Variants in ERN1 observed in about 807,000 individuals in gnomAD.
ERN1 encodes the protein serine/threonine-protein kinase/endoribonuclease IRE1.
In ERN1, 39 loss-of-function variants were observed where a neutral mutation model predicts 113.1. The observed-to-expected ratio is 0.34, with a 90% CI of 0.27 to 0.45. The LOEUF is 0.45. Ranked by LOEUF, ERN1 falls within the 20% of genes least tolerant of loss-of-function variation. The pLI, the probability that ERN1 is intolerant of heterozygous loss-of-function variation, is 1.00. For missense variants in ERN1, 976 were observed against 1,274.8 expected, an observed-to-expected ratio of 0.77 and a Z score of 3.57; for synonymous variants, 507 against 515.9, an observed-to-expected ratio of 0.98 and a Z score of 0.23.
intron 2 of ERN1, among the ~76,000 whole-genome samples, chr17:64,082,458 G>C (rs1280048128): frequency 1.3e-5 from 2 of 152,186 alleles, no homozygotes; most frequent in Non-Finnish European, 2.9e-5. Context: ...AAGCCAAGAA[G>C]AGCAAGAATA....
chr17:64,068,134 C>T (rs1913292646), intron 7 of ERN1, 56 bp downstream of exon 7: 3 of 1,246,310 alleles, frequency 2.4e-6, no homozygotes, highest in Admixed American at 2.1e-5. Flanking sequence ...GCCACTGTTT[C>T]CACATAGGTC....
intron 4 of ERN1, 68 bp downstream of exon 4, chr17:64,079,594 G>A (rs996207278): frequency 2.3e-6 from 3 of 1,279,828 alleles, no homozygotes; most frequent in African/African-American, 1.5e-5. Context: ...GTAAGACACT[G>A]TGCAGACACA....
chr17:64,067,166 G>A (rs2143377128), intron 7 of ERN1, among the ~76,000 whole-genome samples: 1 of 152,210 alleles, frequency 6.6e-6, no homozygotes, highest in South Asian at 2.1e-4. Flanking sequence ...CTCTCCCAAA[G>A]GCAATTTATT....
Position 64,055,937 on chromosome 17 carries a change from C to T in ERN1, c.1410G>A (p.Gln470=). 2 of 1,543,766 alleles carry T rather than the reference C, an allele frequency of 1.3e-6. No homozygotes were observed. The highest frequency in any genetic ancestry group is 4.0e-5 in the Admixed American group (2 of 50,172). Residue 470 remains glutamine (Q), a synonymous_variant, in exon 13 of 22, where the codon CAG becomes CAA. Coordinates refer to ENST00000433197, the MANE Select transcript of ERN1 (RefSeq NM_001433.5). ...ACTGCTGGTGCTGGAGCTGCTGCTG[C>T]TGATGCATGCTCTGGGAAGAGAAAC... ...FIITYPLSMH[Q]QQQLQHQQFQ...
intron 8 of ERN1, among the ~76,000 whole-genome samples, chr17:64,065,542 G>A (rs942200396): frequency 1.3e-5 from 2 of 152,166 alleles, no homozygotes; most frequent in African/African-American, 4.8e-5. Context: ...CGCAGGGCTG[G>A]ACTAGACGAT....
chr17:64,067,027 G>T, intron 7 of ERN1, 95 bp from the exon 8 acceptor site: 1 of 1,343,742 alleles, frequency 7.4e-7, no homozygotes, highest in Non-Finnish European at 1.0e-6. Context: ...CTCAGTTAGA[G>T]GAAACAAGAC....
chr17:64,051,924 G>A (rs1912697038), intron 17 of ERN1, among the ~76,000 whole-genome samples: 1 of 152,222 alleles, frequency 6.6e-6, no homozygotes, highest in Non-Finnish European at 1.5e-5. Context: ...GTATTCCTTA[G>A]GAGACACGTG....
In ERN1 at chr17:64,105,828, T is replaced by C. The variant is rs977340671; in HGVS notation, c.55-7587A>G. ...TAAAAATACAAAAATTAGCCAGGCATGGTGTAATCCCAGCTACTTGGGAAG... is the reference window on the plus strand; with the variant it reads ...TAAAAATACAAAAATTAGCCAGGCACGGTGTAATCCCAGCTACTTGGGAAG... On this transcript the variant is annotated intron_variant, in intron 1 of 21. Coordinates refer to ENST00000433197, the MANE Select transcript of ERN1 (RefSeq NM_001433.5). Among the ~76,000 whole-genome samples the C allele has an allele frequency of 8.2e-4, 124 of 152,016 alleles. 1 individual carries two copies. Among genetic ancestry groups the C allele is most frequent in the Non-Finnish European group, 2.9e-4 (20 of 67,962 alleles).
At chr17:64,047,828 ACT>A (rs1198127002) in intron 19 of ERN1, 28 bp downstream of exon 19, 1 of 1,531,692 alleles carries the variant, frequency 6.5e-7, no homozygotes, top group Admixed American at 2.1e-5. Context: ...TTAAATGAAG[ACT>A]CTGGATAAAG....
At position 64,044,877 on chromosome 17, in the gene ERN1, G is replaced by T; in HGVS notation, c.2704C>A (p.Arg902=). Reference sequence around the variant, plus strand: ...CTGCTTACCTTATTTCTCATGGCTCGGAGGAGATCTCTGACAGAACCACCT... The same window carrying T: ...CTGCTTACCTTATTTCTCATGGCTCTGAGGAGATCTCTGACAGAACCACCT... ...YKGGSVRDLL[R]AMRNKKHHYR... is the part of the protein sequence containing the mutation. Residue 902 remains arginine, a synonymous_variant, in exon 21 of 22, where the codon CGA becomes AGA. Coordinates refer to ENST00000433197, the MANE Select transcript of ERN1 (RefSeq NM_001433.5). This position sits in a 1 kb window ranked among gnomAD's most constrained non-coding sequence, Gnocchi z 4.1. The T allele has an allele frequency of 6.3e-7, 1 of 1,584,910 alleles. No individual in the cohort carries two copies. The highest frequency in any genetic ancestry group is 8.6e-7 in the Non-Finnish European group (1 of 1,165,574).
At chr17:64,108,566 A>T (rs113198058) in intron 1 of ERN1, among the ~76,000 whole-genome samples, 1 of 152,188 alleles carries the variant, frequency 6.6e-6, no homozygotes, top group African/African-American at 2.4e-5. Context: ...CCAAGGTTAC[A>T]TGCTCATTTA....
rs2143299687 is a variant in ERN1 at position 64,040,246 on chromosome 17, G to T, written c.*3742C>A. The T allele has an allele frequency of 6.6e-6, 1 of 152,398 alleles. No homozygotes were observed. Among genetic ancestry groups the T allele is most frequent in the East Asian group, 1.9e-4 (1 of 5,188 alleles). 9.4% of individuals were successfully genotyped at this position (152,398 alleles called of 1,614,324 possible). A position where few individuals can be genotyped will look rare whatever the true frequency, so the allele number is the denominator to read the frequency against. ...TAAAGAGGCTCCTTCCAGGGCGCTG[G>T]GCTTCTCTTCCAGCACAGAAGGCTG... is the stretch of plus-strand genomic sequence containing the variant. On this transcript the variant is annotated 3_prime_UTR_variant, in exon 22 of 22. Transcript: ENST00000433197.
chr17:64,123,302 T>A (rs1444361229), intron 1 of ERN1, among the ~76,000 whole-genome samples: 8 of 152,110 alleles, frequency 5.3e-5, no homozygotes, highest in African/African-American at 1.9e-4. Flanking sequence ...GGGTGCCACA[T>A]CTCCTAGAAA....
Position 64,065,435 on chromosome 17 carries a change from G to A in ERN1, c.843-148C>T, listed in dbSNP as rs185703725. 7.6e-4 allele frequency: 451 copies of A among 591,050 alleles called. 6 individuals carry two copies. Among genetic ancestry groups the A allele is most frequent in the Non-Finnish European group, 3.0e-5 (10 of 335,280 alleles). The allele number at this position is 591,050 out of a possible 1,614,324, so 36.6% of individuals were successfully genotyped here. On this transcript the variant is annotated intron_variant, in intron 8 of 21. Transcript: ENST00000433197. ...GAACGCAGTAGGGGTGTGAAGCTAGGGGCACTGCCCTGGGAACAGGACCAC... is the reference window on the plus strand; with the variant it reads ...GAACGCAGTAGGGGTGTGAAGCTAGAGGCACTGCCCTGGGAACAGGACCAC...
Position 64,043,970 on chromosome 17 carries a change from C to T in ERN1, c.*18G>A, listed in dbSNP as rs375484861. The T allele has an allele frequency of 2.4e-5, 37 of 1,567,692 alleles. No homozygotes were observed. The highest frequency in any genetic ancestry group is 1.1e-4 in the East Asian group (5 of 44,616). On this transcript the variant is annotated 3_prime_UTR_variant, in exon 22 of 22. Coordinates refer to ENST00000433197, the MANE Select transcript of ERN1 (RefSeq NM_001433.5). The stretch of plus-strand genomic sequence containing the variant: ...TCAGTCACAGCTGGGGCCACCAGAA[C>T]AGAGGGGCCGCCCTCGCTCAGAGGG...
intron 1 of ERN1, among the ~76,000 whole-genome samples, chr17:64,127,194 A>G (rs1385759678): frequency 6.6e-6 from 1 of 152,220 alleles, no homozygotes; most frequent in Non-Finnish European, 1.5e-5. Flanking sequence ...TAATGAGTCA[A>G]TGTCTGGCTC....
At chr17:64,046,626 T>G (rs904686876) in intron 19 of ERN1, among the ~76,000 whole-genome samples, 6 of 152,170 alleles carry the variant, frequency 3.9e-5, no homozygotes, top group Non-Finnish European at 5.9e-5. Context: ...GGCAGCGTCC[T>G]CCCTAGGAGG....
chr17:64,085,056 G>A (rs532973367), intron 2 of ERN1, among the ~76,000 whole-genome samples: 4 of 152,266 alleles, frequency 2.6e-5, no homozygotes, highest in South Asian at 2.1e-4. Context: ...CTCTGGCCAC[G>A]GAGGGTTGGG....
At chr17:64,070,590 C>T (rs937484234) in intron 6 of ERN1, among the ~76,000 whole-genome samples, 2 of 152,136 alleles carry the variant, frequency 1.3e-5, no homozygotes, top group East Asian at 1.9e-4. Flanking sequence ...CAGGAGAGCC[C>T]GGCCAGCTTC....
Sources: allele counts gnomAD v4.1 joint callset (sites outside exome capture counted in the v4.1 genomes callset), GRCh38; gene constraint gnomAD v4.1.1; non-coding constraint Gnocchi (gnomAD v3.1); transcripts MANE v1.5; gene names NCBI Gene and HGNC (gene_info 2026-07-23, HGNC 2026-07-21).